STXBP5L: variants seen among roughly 807,000 people sequenced by gnomAD.
STXBP5L encodes syntaxin binding protein 5L, also known as syntaxin-binding protein 5-like.
STXBP5L carries 65 observed loss-of-function variants against 144.5 expected under a neutral mutation model. The observed-to-expected ratio is 0.45, with a 90% CI of 0.37 to 0.55. The LOEUF (loss-of-function observed/expected upper bound fraction) is 0.55. Among genes scored for constraint, STXBP5L ranks in the 20% least tolerant of loss-of-function variants. The probability of loss-of-function intolerance (pLI) is 0.00; values close to 1 mark genes in which losing one functional copy is unlikely to be tolerated. For missense variants in STXBP5L, 1,298 were observed against 1,405.5 expected, an observed-to-expected ratio of 0.92 and a Z score of 1.22; for synonymous variants, 505 against 469.6, an observed-to-expected ratio of 1.08 and a Z score of -0.97.
intron 3 of STXBP5L, among the ~76,000 whole-genome samples, chr3:120,981,195 C>T (rs950247705): frequency 7.2e-5 from 11 of 152,062 alleles, no homozygotes; most frequent in Admixed American, 3.3e-4. Context: ...TGAAGTTTGT[C>T]TTGCAATGTA....
intron 3 of STXBP5L, among the ~76,000 whole-genome samples, chr3:120,973,109 C>T (rs1309460109): frequency 6.6e-6 from 1 of 152,078 alleles, no homozygotes; most frequent in East Asian, 1.9e-4. Flanking sequence ...GTAGGATTCC[C>T]TTCTCGATAT....
At chr3:121,271,773 A>C (rs2050740988) in intron 18 of STXBP5L, among the ~76,000 whole-genome samples, 2 of 152,132 alleles carry the variant, frequency 1.3e-5, no homozygotes, top group African/African-American at 4.8e-5. Flanking sequence ...AACTACTCTA[A>C]AGACATGTCT....
intron 5 of STXBP5L, among the ~76,000 whole-genome samples, chr3:121,062,090 C>T (rs1057146563): frequency 6.6e-6 from 1 of 152,134 alleles, no homozygotes; most frequent in African/African-American, 2.4e-5. Context: ...TATGTTTTTG[C>T]AGGTGCTGGT....
intron 20 of STXBP5L, among the ~76,000 whole-genome samples, chr3:121,341,195 C>CA (rs1293121921): frequency 1.3e-5 from 2 of 151,910 alleles, no homozygotes; most frequent in Admixed American, 6.6e-5. Context: ...TTAAAATGGG[C>CA]AAAAAATCTG....
intron 19 of STXBP5L, chr3:121,282,396 C>T: frequency 1.3e-6 from 2 of 1,524,106 alleles, no homozygotes; most frequent in Non-Finnish European, 9.1e-7. Flanking sequence ...TGAGTTAAAT[C>T]CATACATCAG....
intron 23 of STXBP5L, among the ~76,000 whole-genome samples, chr3:121,412,679 A>C (rs527888213): frequency 7.5e-6 from 1 of 134,176 alleles, no homozygotes; most frequent in East Asian, 2.1e-4. Flanking sequence ...CTATAAACAA[A>C]TTTGTAAACA....
Position 121,159,540 on chromosome 3 carries a change from T to C in STXBP5L, c.877+1913T>C, listed in dbSNP as rs192346621. ...CCAGAGAATATGACATAACTAGTTC[T>C]ACAAAATCTACTGAGATTTGCTTTA... On this transcript the variant is annotated intron_variant, in intron 9 of 26. Coordinates refer to ENST00000471454, the MANE Select transcript of STXBP5L (RefSeq NM_001308330.2). 6.1e-4 allele frequency among the ~76,000 whole-genome samples: 93 copies of C among 152,078 alleles called. 3 individuals carry two copies. The highest frequency in any genetic ancestry group is 3.9e-4 in the Admixed American group (6 of 15,276).
At chr3:121,002,041 C>T (rs968807325) in intron 3 of STXBP5L, among the ~76,000 whole-genome samples, 7 of 152,120 alleles carry the variant, frequency 4.6e-5, no homozygotes, top group African/African-American at 1.7e-4. Context: ...ATATCTATGA[C>T]ATACTGATTT....
At chr3:121,121,770 C>A in intron 7 of STXBP5L, 66 bp downstream of exon 7, 1 of 1,240,534 alleles carries the variant, frequency 8.1e-7, no homozygotes, top group South Asian at 1.3e-5. Context: ...GTGTTTCTTA[C>A]TATTATTTTA....
intron 19 of STXBP5L, among the ~76,000 whole-genome samples, chr3:121,300,915 T>C (rs2051871829): frequency 6.6e-6 from 1 of 152,192 alleles, no homozygotes; most frequent in South Asian, 2.1e-4. Flanking sequence ...AGATGCACGT[T>C]AATTATAAAA....
intron 5 of STXBP5L, among the ~76,000 whole-genome samples, chr3:121,104,703 A>G (rs568955930): frequency 1.3e-5 from 2 of 152,308 alleles, no homozygotes; most frequent in South Asian, 2.1e-4. Context: ...CATATAGAGA[A>G]TGAAAGTGGA....
intron 7 of STXBP5L, among the ~76,000 whole-genome samples, chr3:121,123,399 A>G (rs943370572): frequency 6.6e-6 from 1 of 151,694 alleles, no homozygotes; most frequent in African/African-American, 2.4e-5. Context: ...ATGTCTCTTA[A>G]TAGAATATTG....
At chr3:121,107,206 G>A (rs1173282041) in intron 5 of STXBP5L, among the ~76,000 whole-genome samples, 3 of 151,718 alleles carry the variant, frequency 2.0e-5, no homozygotes, top group Non-Finnish European at 2.9e-5. Context: ...CTGGGCAGAA[G>A]CTCTTTAGCT....
At chr3:121,153,381 G>A (rs1197095356) in intron 8 of STXBP5L, among the ~76,000 whole-genome samples, 2 of 152,024 alleles carry the variant, frequency 1.3e-5, no homozygotes, top group African/African-American at 2.4e-5. Context: ...TTTGAAAATG[G>A]TGGGAGTAGG....
intron 2 of STXBP5L, among the ~76,000 whole-genome samples, chr3:120,913,192 A>G (rs1708935730): frequency 6.6e-6 from 1 of 152,044 alleles, no homozygotes; most frequent in South Asian, 2.1e-4. Context: ...CTGCCGTTAT[A>G]CTATGAACTC....
intron 23 of STXBP5L, 68 bp downstream of exon 23, chr3:121,407,671 T>C (rs1334540976): frequency 1.3e-6 from 2 of 1,583,634 alleles, no homozygotes; most frequent in Non-Finnish European, 1.7e-6. Flanking sequence ...CTAAAAAATA[T>C]ATGTGTTATG....
At chr3:121,323,690 GC>G (rs1450340307) in intron 20 of STXBP5L, among the ~76,000 whole-genome samples, 2 of 152,104 alleles carry the variant, frequency 1.3e-5, no homozygotes, top group Middle Eastern at 3.2e-3. Flanking sequence ...TACTTCAAAT[GC>G]AGAAATAAAC....
intron 7 of STXBP5L, among the ~76,000 whole-genome samples, chr3:121,144,499 T>C (rs1176909041): frequency 6.6e-6 from 1 of 151,888 alleles, no homozygotes; most frequent in Admixed American, 6.6e-5. Flanking sequence ...TGTGAAGATA[T>C]TGGAACACTT....
intron 5 of STXBP5L, among the ~76,000 whole-genome samples, chr3:121,088,276 G>GACAGA (rs2042597006): frequency 8.0e-6 from 1 of 125,450 alleles, no homozygotes; most frequent in East Asian, 2.2e-4. Context: ...CAAAAAGTGG[G>GACAGA]CGAAGGACAT....
Sources: gnomAD v4.1 joint callset for allele counts (sites outside exome capture counted in the v4.1 genomes callset) on GRCh38, gnomAD v4.1.1 for gene constraint, MANE v1.5 for transcripts, NCBI Gene and HGNC (gene_info 2026-07-23, HGNC 2026-07-21) for gene names.